Variants in BSCL2 observed in about 807,000 individuals in gnomAD.
The protein encoded by BSCL2 is seipin.
Under a neutral mutation model 57.4 loss-of-function variants are expected in BSCL2, and 41 were observed. The observed-to-expected ratio is 0.71, with a 90% CI of 0.56 to 0.93. The LOEUF is 0.93. BSCL2 is among the 40% of genes least tolerant of loss of function. The pLI is 0.00. For synonymous variants in BSCL2, 237 were observed against 227.3 expected, an observed-to-expected ratio of 1.04 and a Z score of -0.38; for missense variants, 539 against 586.7, an observed-to-expected ratio of 0.92 and a Z score of 0.84.
intron 6 of BSCL2, among the ~76,000 whole-genome samples, 189 bp from the exon 7 acceptor site, chr11:62,691,610 G>T (rs1006330893): frequency 2.0e-4 from 30 of 152,148 alleles, no homozygotes; most frequent in African/African-American, 6.8e-4. Flanking sequence ...CAAGGACCTT[G>T]GGAAGTCTCC....
Position 62,705,283 on chromosome 11 carries a change from A to G in BSCL2, c.404+18T>C, listed in dbSNP as rs754857491. 1 of 1,592,232 alleles carries G rather than the reference A, an allele frequency of 6.3e-7. No individual in the cohort carries two copies. Among genetic ancestry groups the G allele is most frequent in the Admixed American group, 1.8e-5 (1 of 55,774 alleles). On this transcript the variant is annotated intron_variant, in intron 2 of 10. Transcript: ENST00000360796. ...ATTCCCATAGGAGTCCTCTATTTTG[A>G]TAGAAGGCCCCTCTCACCTGTAGTA...
chr11:62,703,788 C>T (rs1202733822), intron 2 of BSCL2, among the ~76,000 whole-genome samples: 1 of 152,058 alleles, frequency 6.6e-6, no homozygotes. Context: ...TAACGCCCTT[C>T]TCTGCATCTG....
Position 62,707,211 on chromosome 11 carries a change from C to T in BSCL2, c.-16G>A, listed in dbSNP as rs946187387. The T allele has an allele frequency of 5.2e-6, 8 of 1,551,286 alleles. No homozygotes were observed. The highest frequency in any genetic ancestry group is 1.2e-5 in the South Asian group (1 of 84,062). ...CTGTAGACATCTTCCTGACGAGCCT[C>T]TGTTGACTCTGGATCTTCCACTGAG... On this transcript the variant is annotated 5_prime_UTR_variant, in exon 1 of 11. Transcript: ENST00000360796.
Position 62,692,384 on chromosome 11 carries a change from AGTGAAGTGCGC to A in BSCL2, c.844_854del (p.Ala282TrpfsTer52), listed in dbSNP as rs1064797076. ...TCCAGTTGGCCCCTCACCTGAGCCC[AGTGAAGTGCGC>A]GTGGATGCGGAGGTAGGCTCCATAC... On this transcript the variant is annotated frameshift_variant, in exon 6 of 11. Transcript: ENST00000360796. LOFTEE classifies it high-confidence loss of function. 6.2e-7 allele frequency: 1 copy of A among 1,614,168 alleles called. No homozygotes were observed. The highest frequency in any genetic ancestry group is 1.1e-5 in the South Asian group (1 of 91,086).
chr11:62,709,460 G>A (rs1353850719), upstream of BSCL2: 3 of 454,042 alleles, frequency 6.6e-6, no homozygotes, highest in Non-Finnish European at 1.3e-5. Context: ...GGCCGAAGAG[G>A]GGGGATTTAG....
At chr11:62,691,180 C>G (rs780091146) in intron 7 of BSCL2, 39 bp from the exon 8 acceptor site, 1 of 1,613,978 alleles carries the variant, frequency 6.2e-7, no homozygotes. Context: ...GGACTGACTT[C>G]CCTCACTAAC....
At chr11:62,698,237 C>T (rs1475136196) in intron 3 of BSCL2, among the ~76,000 whole-genome samples, 6 of 147,892 alleles carry the variant, frequency 4.1e-5, no homozygotes, top group African/African-American at 1.2e-4. Flanking sequence ...CTTACTCTGT[C>T]GCCCAGGCTG....
In BSCL2 at chr11:62,705,294, C is replaced by T. The variant is rs1264856705; in HGVS notation, c.404+7G>A. 4.4e-6 allele frequency: 7 copies of T among 1,604,864 alleles called. No individual in the cohort carries two copies. In the East Asian group the frequency reaches 1.1e-4, roughly 26 times the overall value. On this transcript the variant is annotated splice_region_variant and intron_variant, in intron 2 of 10. Coordinates refer to ENST00000360796, the MANE Select transcript of BSCL2 (RefSeq NM_001122955.4). ...AGTCCTCTATTTTGATAGAAGGCCC[C>T]TCTCACCTGTAGTAGAAATGCACAG...
In BSCL2 at chr11:62,692,781, C is replaced by T. The variant is rs1271994945; in HGVS notation, c.647G>A (p.Arg216His). The change falls in exon 5 of 11, where the codon CGC (arginine) becomes CAC (histidine). Residue 216 changes from arginine to histidine, a missense_variant. Physicochemically the swap from Arg to His is conservative, Grantham distance 29. Around this residue, in one of 3 missense-constraint regions of BSCL2, gnomAD observed 73 missense variants for 122.0 expected, o/e 0.60. Coordinates refer to ENST00000360796, the MANE Select transcript of BSCL2 (RefSeq NM_001122955.4). Reference sequence around the variant, plus strand: ...GTCCAGCATCTGGAGCAGGTCTGAGCGGTAATGCAGCATCACCTGCCGGGG... The same window carrying T: ...GTCCAGCATCTGGAGCAGGTCTGAGTGGTAATGCAGCATCACCTGCCGGGG... ...TSSRSVMLHY[R>H]SDLLQMLDTL... 1.9e-6 allele frequency: 3 copies of T among 1,613,616 alleles called. No individual in the cohort carries two copies. The highest frequency in any genetic ancestry group is 2.5e-6 in the Non-Finnish European group (3 of 1,180,004).
At chr11:62,696,278 T>TTTGTG (rs1554984017) in intron 3 of BSCL2, among the ~76,000 whole-genome samples, 5 of 136,228 alleles carry the variant, frequency 3.7e-5, no homozygotes, top group African/African-American at 1.3e-4. Flanking sequence ...CATAAACTTT[T>TTTGTG]TGTGTGTGTG....
upstream of BSCL2, chr11:62,708,434 C>G: frequency 1.4e-6 from 2 of 1,407,726 alleles, no homozygotes; most frequent in South Asian, 1.2e-5. Context: ...GTTGGCCAGG[C>G]TGTGCTGTGC....
chr11:62,697,583 C>G (rs1945508317), intron 3 of BSCL2: 1 of 151,380 alleles, frequency 6.6e-6, no homozygotes, highest in Admixed American at 6.6e-5. Flanking sequence ...GACAGGAGTT[C>G]CAGACCAGCC....
intron 6 of BSCL2, among the ~76,000 whole-genome samples, chr11:62,691,940 T>C (rs573007190): frequency 6.6e-6 from 1 of 151,628 alleles, no homozygotes; most frequent in African/African-American, 2.4e-5. Flanking sequence ...TAGTCCCAGC[T>C]ACTCAGGAAG....
chr11:62,691,918 C>A (rs971683319), intron 6 of BSCL2, among the ~76,000 whole-genome samples: 1 of 151,866 alleles, frequency 6.6e-6, no homozygotes, highest in Non-Finnish European at 1.5e-5. Flanking sequence ...CAGGTGTGGT[C>A]GCAGGCGCCT....
At chr11:62,701,575 C>A (rs1307892738) in intron 3 of BSCL2, among the ~76,000 whole-genome samples, 2 of 152,080 alleles carry the variant, frequency 1.3e-5, no homozygotes, top group Non-Finnish European at 2.9e-5. Flanking sequence ...TGGTGGCTGA[C>A]GCCTATAATC....
chr11:62,705,652 T>G, intron 1 of BSCL2, 35 bp from the exon 2 acceptor site: 1 of 1,472,712 alleles, frequency 6.8e-7, no homozygotes, highest in Non-Finnish European at 9.0e-7. Flanking sequence ...GAGTGACTCC[T>G]TTCCCCAGGG....
intron 3 of BSCL2, among the ~76,000 whole-genome samples, chr11:62,698,388 A>G (rs2730032): frequency 0.75 from 114,063 of 151,360 alleles, 43,137 homozygotes; most frequent in Admixed American, 0.83. Flanking sequence ...GAGTAGAGAC[A>G]GGGTTTCACC....
At position 62,692,759 on chromosome 11, in the gene BSCL2, C is replaced by T; in HGVS notation, c.669G>A (p.Leu223=). 1.2e-6 allele frequency: 2 copies of T among 1,614,054 alleles called. No individual in the cohort carries two copies. The highest frequency in any genetic ancestry group is 1.7e-6 in the Non-Finnish European group (2 of 1,180,034). The part of the protein sequence containing the change: ...LHYRSDLLQM[L]DTLVFSSLLL... ...GGAGGCTAGAGAAGACCAGTGTGTC[C>T]AGCATCTGGAGCAGGTCTGAGCGGT... Residue 223 remains leucine, a synonymous_variant, in exon 5 of 11, where the codon CTG becomes CTA. Transcript: ENST00000360796.
upstream of BSCL2, chr11:62,707,842 C>T (rs1162742537): frequency 4.0e-6 from 1 of 251,680 alleles, no homozygotes; most frequent in African/African-American, 2.2e-5. Context: ...GTGGGGCACC[C>T]ATTTCAGGCA....
Sources: allele counts gnomAD v4.1 joint callset (sites outside exome capture counted in the v4.1 genomes callset), GRCh38; gene constraint gnomAD v4.1.1; regional missense constraint gnomAD v4.1.1; transcripts MANE v1.5; gene names NCBI Gene and HGNC (gene_info 2026-07-23, HGNC 2026-07-21).